Variants in NSMCE2 observed in about 807,000 individuals in gnomAD.
NSMCE2 encodes NSE2 SUMO ligase component of SMC5/6 complex.
Under a neutral mutation model 23.8 loss-of-function variants are expected in NSMCE2, and 24 were observed. The observed-to-expected ratio is 1.01, with a 90% CI of 0.73 to 1.42. The LOEUF (loss-of-function observed/expected upper bound fraction) is 1.42, where lower values mean the gene tolerates loss of function less well. Ranked by LOEUF, NSMCE2 falls within the 40% of genes most tolerant of loss-of-function variation. The pLI is 0.00. For missense variants in NSMCE2, 284 were observed against 296.5 expected (o/e 0.96, Z 0.31); for synonymous variants, 92 against 94.1 (o/e 0.98, Z 0.13).
At chr8:125,149,147 T>G (rs1820847136) in intron 3 of NSMCE2, among the ~76,000 whole-genome samples, 1 of 152,188 alleles carries the variant, frequency 6.6e-6, no homozygotes, top group Admixed American at 6.5e-5. Context: ...ATTTGGGGAA[T>G]GTAAATACAA....
chr8:125,163,718 C>A (rs1444484991), intron 4 of NSMCE2, among the ~76,000 whole-genome samples: 2 of 152,128 alleles, frequency 1.3e-5, no homozygotes, highest in East Asian at 3.9e-4. Flanking sequence ...AAAGAAACTT[C>A]CTGATTCTAC....
intron 5 of NSMCE2, among the ~76,000 whole-genome samples, chr8:125,308,883 C>G (rs1345795860): frequency 6.6e-6 from 1 of 152,172 alleles, no homozygotes; most frequent in Non-Finnish European, 1.5e-5. Flanking sequence ...TTCCTTACCC[C>G]CTGCCAGCCA....
intron 5 of NSMCE2, among the ~76,000 whole-genome samples, chr8:125,185,919 G>GTACACA (rs1823074970): frequency 6.6e-6 from 1 of 152,028 alleles, no homozygotes; most frequent in Admixed American, 6.6e-5. Context: ...TTTTGTTGAC[G>GTACACA]TACACAAAGA....
intron 5 of NSMCE2, among the ~76,000 whole-genome samples, chr8:125,356,380 G>A (rs1443477248): frequency 7.3e-6 from 1 of 137,664 alleles, no homozygotes; most frequent in Non-Finnish European, 1.5e-5. Flanking sequence ...CCAGACTGGA[G>A]TGAAATGGCA....
At chr8:125,204,461 C>G (rs1012341951) in intron 5 of NSMCE2, among the ~76,000 whole-genome samples, 2 of 152,204 alleles carry the variant, frequency 1.3e-5, no homozygotes, top group African/African-American at 4.8e-5. Flanking sequence ...GACTCAAGAA[C>G]TTTTCATTCC....
intron 5 of NSMCE2, among the ~76,000 whole-genome samples, chr8:125,255,079 C>G (rs1227383436): frequency 6.6e-6 from 1 of 152,058 alleles, no homozygotes; most frequent in Non-Finnish European, 1.5e-5. Context: ...TATGCTCACT[C>G]TTGGAACCCA....
chr8:125,102,253 A>G, intron 2 of NSMCE2, 64 bp from the exon 3 acceptor site: 1 of 1,067,456 alleles, frequency 9.4e-7, no homozygotes, highest in Non-Finnish European at 1.4e-6. Context: ...AGTTTTATTA[A>G]TATTTTCCTG....
chr8:125,236,205 A>G (rs1378493813), intron 5 of NSMCE2, among the ~76,000 whole-genome samples: 3 of 152,226 alleles, frequency 2.0e-5, no homozygotes, highest in Non-Finnish European at 2.9e-5. Flanking sequence ...TGGTGAGGTC[A>G]GGGAGTTTCT....
At chr8:125,233,119 A>G (rs995298725) in intron 5 of NSMCE2, among the ~76,000 whole-genome samples, 3 of 152,188 alleles carry the variant, frequency 2.0e-5, no homozygotes, top group Non-Finnish European at 2.9e-5. Context: ...CAGTTTTTGC[A>G]TGTTATCATG....
intron 5 of NSMCE2, among the ~76,000 whole-genome samples, chr8:125,336,991 A>T (rs1830080675): frequency 6.6e-6 from 1 of 152,192 alleles, no homozygotes; most frequent in Non-Finnish European, 1.5e-5. Context: ...CCAACATCTG[A>T]TCCTCTTGCC....
intron 5 of NSMCE2, among the ~76,000 whole-genome samples, chr8:125,263,381 GA>G (rs1336766268): frequency 6.6e-6 from 1 of 152,168 alleles, no homozygotes; most frequent in Non-Finnish European, 1.5e-5. Context: ...TTCTTAGGAA[GA>G]AACTAGAAGG....
intron 4 of NSMCE2, chr8:125,155,961 T>C (rs768994965): frequency 4.4e-6 from 2 of 453,968 alleles, no homozygotes; most frequent in South Asian, 3.1e-5. Context: ...TACTGTCATA[T>C]ATATTTAGCA....
At chr8:125,293,999 A>C (rs554849081) in intron 5 of NSMCE2, among the ~76,000 whole-genome samples, 1 of 152,216 alleles carries the variant, frequency 6.6e-6, no homozygotes, top group South Asian at 2.1e-4. Flanking sequence ...GCTCTAGGCA[A>C]CCACTAAATC....
intron 5 of NSMCE2, among the ~76,000 whole-genome samples, chr8:125,209,037 C>T (rs1386701967): frequency 6.6e-6 from 1 of 152,150 alleles, no homozygotes; most frequent in African/African-American, 2.4e-5. Flanking sequence ...GTCTTGAACT[C>T]CTGGGCACAG....
intron 5 of NSMCE2, among the ~76,000 whole-genome samples, chr8:125,305,368 A>T (rs972554628): frequency 6.6e-6 from 1 of 152,152 alleles, no homozygotes; most frequent in Non-Finnish European, 1.5e-5. Context: ...CTGAACATGG[A>T]TTTGTATGAC....
At chr8:125,361,701 G>A (rs1563806354) in intron 7 of NSMCE2, among the ~76,000 whole-genome samples, 4 of 152,180 alleles carry the variant, frequency 2.6e-5, no homozygotes, top group South Asian at 2.1e-4. Flanking sequence ...TTTTGGGAGC[G>A]AAGAGCGCTA....
At chr8:125,158,188 A>T (rs55740518) in intron 4 of NSMCE2, among the ~76,000 whole-genome samples, 18,331 of 152,114 alleles carry the variant, frequency 0.12, 1,216 homozygotes, top group African/African-American at 0.16. Context: ...CATCCAGAAA[A>T]CTGGGAAGTA....
At chr8:125,155,282 A>G (rs1231968423) in intron 4 of NSMCE2, among the ~76,000 whole-genome samples, 1 of 152,226 alleles carries the variant, frequency 6.6e-6, no homozygotes, top group Non-Finnish European at 1.5e-5. Flanking sequence ...TTAAGATTCA[A>G]GTCAAATGAG....
chr8:125,307,517 C>T (rs1017749774), intron 5 of NSMCE2, among the ~76,000 whole-genome samples: 2 of 152,196 alleles, frequency 1.3e-5, no homozygotes, highest in Non-Finnish European at 2.9e-5. Context: ...TCTGGAGTGG[C>T]AGCAAAGAAC....
Sources: allele counts gnomAD v4.1 joint callset (sites outside exome capture counted in the v4.1 genomes callset), GRCh38; gene constraint gnomAD v4.1.1; transcripts MANE v1.5; gene names NCBI Gene and HGNC (gene_info 2026-07-23, HGNC 2026-07-21).